ADTRP: variants seen among roughly 807,000 people sequenced by gnomAD.
The protein encoded by ADTRP is androgen-dependent TFPI-regulating protein.
Under a neutral mutation model 27.0 loss-of-function variants are expected in ADTRP, and 20 were observed. The observed-to-expected ratio is 0.74, with a 90% CI of 0.52 to 1.08. ADTRP has a LOEUF of 1.08. Among genes scored for constraint, ADTRP ranks in the 50% least tolerant of loss-of-function variants. The pLI, the probability that ADTRP is intolerant of heterozygous loss-of-function variation, is 0.00. For synonymous variants in ADTRP, 101 were observed against 105.2 expected (o/e 0.96, Z 0.25); for missense variants, 251 against 275.0 (o/e 0.91, Z 0.62).
chr6:11,743,272 C>G (rs1762772914), intron 3 of ADTRP, among the ~76,000 whole-genome samples: 1 of 152,178 alleles, frequency 6.6e-6, no homozygotes. Context: ...TTTCAGGACT[C>G]CTCTCCAGCC....
intron 5 of ADTRP, among the ~76,000 whole-genome samples, chr6:11,719,138 G>T (rs1025668171): frequency 1.3e-5 from 2 of 152,174 alleles, no homozygotes; most frequent in African/African-American, 4.8e-5. Context: ...CACTGCACAA[G>T]GATGCCGTAG....
chr6:11,727,092 G>A lies in ADTRP; in HGVS notation c.507-3592C>T, dbSNP rs913064345. Among the ~76,000 whole-genome samples the A allele has an allele frequency of 3.3e-5, 5 of 152,062 alleles. No homozygotes were observed. In the East Asian group the frequency reaches 5.8e-4, roughly 18 times the overall value. On this transcript the variant is annotated intron_variant, in intron 4 of 5. Coordinates refer to ENST00000414691, the MANE Select transcript of ADTRP (RefSeq NM_032744.4). ...GGCTGGAGTGCAGTGGTGCAATCTC[G>A]GCTCACTGCAAGCTCCGCTTCCTGG...
intron 3 of ADTRP, among the ~76,000 whole-genome samples, chr6:11,747,402 G>C (rs1762900643): frequency 6.6e-6 from 1 of 152,158 alleles, no homozygotes; most frequent in South Asian, 2.1e-4. Flanking sequence ...GGTTTGTTTT[G>C]TTTGTTTGTG....
intron 3 of ADTRP, among the ~76,000 whole-genome samples, chr6:11,740,519 A>G (rs1762682384): frequency 6.6e-6 from 1 of 152,210 alleles, no homozygotes; most frequent in Non-Finnish European, 1.5e-5. Context: ...CCTTAATCGA[A>G]TGCCATCATA....
chr6:11,777,907 AT>A (rs34817687), intron 1 of ADTRP, among the ~76,000 whole-genome samples: 13,842 of 152,178 alleles, frequency 0.091, 691 homozygotes, highest in East Asian at 0.13. Flanking sequence ...CTTTAAAAGT[AT>A]TTTTTTAAGC....
chr6:11,740,338 C>T (rs1762676633), intron 3 of ADTRP, among the ~76,000 whole-genome samples: 1 of 152,144 alleles, frequency 6.6e-6, no homozygotes, highest in African/African-American at 2.4e-5. Context: ...GATCTCATTT[C>T]TGAGTACATT....
chr6:11,735,962 CG>C, intron 3 of ADTRP: 2 of 242,454 alleles, frequency 8.2e-6, no homozygotes, highest in Non-Finnish European at 8.3e-6. Context: ...TTTTTTTTGG[CG>C]GGGGTGGGGG....
intron 3 of ADTRP, among the ~76,000 whole-genome samples, chr6:11,761,658 T>C (rs1357062364): frequency 2.0e-5 from 3 of 152,194 alleles, no homozygotes; most frequent in Admixed American, 2.0e-4. Context: ...TGATTTGAAC[T>C]CAGCAATGGA....
rs539001211 is a variant in ADTRP, at chr6:11,771,084, AGTCACAGGATGTGGAAATCGGATTGGGG to A, written c.154-2729_154-2702del. 2.0e-3 allele frequency among the ~76,000 whole-genome samples: 306 copies of A among 152,308 alleles called. 1 individual carries two copies. Among genetic ancestry groups the A allele is most frequent in the African/African-American group, 7.0e-3 (290 of 41,570 alleles). On this transcript the variant is annotated intron_variant, in intron 1 of 5. Coordinates refer to ENST00000414691, the MANE Select transcript of ADTRP (RefSeq NM_032744.4). Reference sequence around the variant, plus strand: ...CTCCTGACTTTCTCCTGCCTCTCCCAGTCACAGGATGTGGAAATCGGATTGGGGGAAAGAACGCATTACTCAGATCCTC... The same window carrying A: ...CTCCTGACTTTCTCCTGCCTCTCCCAGAAAGAACGCATTACTCAGATCCTC...
intron 3 of ADTRP, among the ~76,000 whole-genome samples, chr6:11,756,737 T>C (rs559725169): frequency 6.6e-6 from 1 of 152,294 alleles, no homozygotes; most frequent in East Asian, 1.9e-4. Flanking sequence ...ATTAAGCACA[T>C]GAATATTAGA....
intron 1 of ADTRP, among the ~76,000 whole-genome samples, chr6:11,768,596 G>A (rs1279968410): frequency 6.6e-6 from 1 of 152,030 alleles, no homozygotes; most frequent in Non-Finnish European, 1.5e-5. Flanking sequence ...TTTGTTTAGG[G>A]GACAATAATG....
chr6:11,744,863 T>C (rs1160121284), intron 3 of ADTRP, among the ~76,000 whole-genome samples: 1 of 152,232 alleles, frequency 6.6e-6, no homozygotes, highest in Non-Finnish European at 1.5e-5. Flanking sequence ...TATCCCTTCG[T>C]TTCCAATATC....
intron 3 of ADTRP, among the ~76,000 whole-genome samples, chr6:11,748,939 G>T (rs1463303515): frequency 6.6e-6 from 1 of 152,226 alleles, no homozygotes; most frequent in East Asian, 1.9e-4. Context: ...AGGAGTTCAG[G>T]TTTATTCCAA....
intron 3 of ADTRP, among the ~76,000 whole-genome samples, chr6:11,741,007 C>T (rs1762698310): frequency 6.6e-6 from 1 of 152,086 alleles, no homozygotes; most frequent in African/African-American, 2.4e-5. Context: ...GTAAAAATTC[C>T]CTTTTCTACT....
At position 11,723,488 on chromosome 6, in the gene ADTRP, G is replaced by C; in HGVS notation, c.519C>G (p.Leu173=). The C allele has an allele frequency of 6.2e-7, 1 of 1,614,004 alleles. No homozygotes were observed. Among genetic ancestry groups the C allele is most frequent in the Non-Finnish European group, 8.5e-7 (1 of 1,179,974 alleles). The stretch of plus-strand genomic sequence containing the variant: ...ACACCCAGGTACCCGTCTCAAAGTA[G>C]AGCCATAGGATGCTGCAGGAAATAA... The part of the protein sequence containing the change: ...SIAYISRILW[L]YFETGTWVYP... Residue 173 remains leucine, a synonymous_variant, in exon 5 of 6, where the codon CTC becomes CTG. Transcript: ENST00000414691.
intron 4 of ADTRP, among the ~76,000 whole-genome samples, chr6:11,727,573 T>C (rs1296137196): frequency 6.6e-6 from 1 of 152,190 alleles, no homozygotes; most frequent in African/African-American, 2.4e-5. Flanking sequence ...TGCACATTTA[T>C]GTAAGATAGT....
At chr6:11,719,098 C>T (rs1276739057) in intron 5 of ADTRP, among the ~76,000 whole-genome samples, 1 of 152,232 alleles carries the variant, frequency 6.6e-6, no homozygotes, top group Non-Finnish European at 1.5e-5. Context: ...ACACCCTTCT[C>T]AGTCCAGCAG....
chr6:11,773,105 C>T (rs1327329733), intron 1 of ADTRP, among the ~76,000 whole-genome samples: 2 of 152,124 alleles, frequency 1.3e-5, no homozygotes, highest in South Asian at 2.1e-4. Flanking sequence ...CCAACATTCA[C>T]GGAATGTCAG....
chr6:11,741,104 G>A (rs367905447), intron 3 of ADTRP, among the ~76,000 whole-genome samples: 10 of 152,216 alleles, frequency 6.6e-5, no homozygotes, highest in South Asian at 4.1e-4. Context: ...ATTGGGGAGC[G>A]AAACCACCCA....
Sources: allele counts gnomAD v4.1 joint callset (sites outside exome capture counted in the v4.1 genomes callset), GRCh38; gene constraint gnomAD v4.1.1; transcripts MANE v1.5; gene names NCBI Gene and HGNC (gene_info 2026-07-23, HGNC 2026-07-21).